MAPK8IP2: variants seen among roughly 807,000 people sequenced by gnomAD.
MAPK8IP2 encodes the protein C-Jun-amino-terminal kinase-interacting protein 2.
MAPK8IP2 carries 15 observed loss-of-function variants against 75.6 expected under a neutral mutation model. The observed-to-expected ratio is 0.20, with a 90% confidence interval of 0.13 to 0.31. The LOEUF is 0.31. Among genes scored for constraint, MAPK8IP2 ranks in the 10% least tolerant of loss-of-function variants. The probability of loss-of-function intolerance (pLI) is 1.00; values close to 1 mark genes in which losing one functional copy is unlikely to be tolerated. For synonymous variants in MAPK8IP2, 632 were observed against 554.5 expected (o/e 1.14, Z -1.96); for missense variants, 1,089 against 1,211.2 (o/e 0.90, Z 1.50).
chr22:50,606,834 AG>A, intron 9 of MAPK8IP2, 69 bp downstream of exon 9: 1 of 1,594,462 alleles, frequency 6.3e-7, no homozygotes, highest in Non-Finnish European at 8.6e-7. Flanking sequence ...CGACGGGGCC[AG>A]GCTGGCAGGG....
intron 1 of MAPK8IP2, 57 bp from the exon 2 acceptor site, chr22:50,601,732 A>G: frequency 7.3e-7 from 1 of 1,376,570 alleles, no homozygotes; most frequent in African/African-American, 1.4e-5. Flanking sequence ...CCTCAGGGCC[A>G]GTTGCCAGGC....
Position 50,603,893 on chromosome 22 carries a change from G to A in MAPK8IP2, c.594G>A (p.Ser198=), listed in dbSNP as rs139026351. The A allele has an allele frequency of 0.037, 56,389 of 1,535,896 alleles. 1,225 individuals are homozygous for A. The highest frequency in any genetic ancestry group is 0.04 in the Non-Finnish European group (45,325 of 1,144,180). ...ATDTGPGGAQ[S]PVRPGCDCEG... is the part of the protein sequence containing the mutation. ...ACACCGGGCCCGGCGGGGCGCAGTC[G>A]CCAGTGCGCCCGGGTTGCGACTGCG... The change falls in exon 5 of 12, where the codon TCG becomes TCA. Residue 198 remains serine (S), a synonymous_variant. Transcript: ENST00000329492.
chr22:50,613,607 A>G lies in MAPK8IP2; in HGVS notation c.*2828A>G, dbSNP rs2071183553. The stretch of plus-strand genomic sequence containing the variant: ...CCTCAGCAGATCCCTCTCTCTGGCC[A>G]GCTCCCTGTTGAACCAGGAAGCAGG... On this transcript the variant is annotated 3_prime_UTR_variant, in exon 12 of 12. Transcript: ENST00000329492. 6.6e-6 allele frequency: 1 copy of G among 152,268 alleles called. No individual in the cohort carries two copies. The highest frequency in any genetic ancestry group is 1.5e-5 in the Non-Finnish European group (1 of 68,104). 9.4% of individuals were successfully genotyped at this position (152,268 alleles called of 1,614,324 possible).
Position 50,610,243 on chromosome 22 carries a change from C to T in MAPK8IP2, c.2335C>T (p.Leu779=), listed in dbSNP as rs1489181982. The stretch of plus-strand genomic sequence containing the variant: ...CGGCTTCATCACCAAACACCCCCTG[C>T]TGAGCCGCTTCGCCTGCCACGTCTT... ...YFGFITKHPL[L]SRFACHVFVS... Residue 779 remains leucine (L), a synonymous_variant, in exon 11 of 12, where the codon CTG becomes TTG. Coordinates refer to ENST00000329492, the MANE Select transcript of MAPK8IP2 (RefSeq NM_012324.6). This position sits in a 1 kb window ranked among gnomAD's most constrained non-coding sequence, Gnocchi z 4.3. The T allele has an allele frequency of 1.9e-6, 3 of 1,602,552 alleles. No homozygotes were observed.
In MAPK8IP2 at chr22:50,604,298, G is replaced by A. The variant is rs765217840; in HGVS notation, c.999G>A (p.Ser333=). The A allele has an allele frequency of 5.6e-5, 87 of 1,556,716 alleles. No homozygotes were observed. The highest frequency in any genetic ancestry group is 6.8e-5 in the Non-Finnish European group (79 of 1,158,938). ...ACGACACCAACAGCGAGTACGAGTC[G>A]GGGTCGGAGTCGGAGCCGGACCTCA... ...GPDDTNSEYE[S]GSESEPDLSE... The change falls in exon 5 of 12, where the codon TCG becomes TCA. Residue 333 remains serine (S), a synonymous_variant. Transcript: ENST00000329492.
chr22:50,607,116 C>A lies in MAPK8IP2; in HGVS notation c.2303+125C>A. The A allele has an allele frequency of 1.4e-6, 1 of 738,090 alleles. No homozygotes were observed. Among genetic ancestry groups the A allele is most frequent in the South Asian group, 1.6e-5 (1 of 64,176 alleles). 45.7% of individuals were successfully genotyped at this position (738,090 alleles called of 1,614,324 possible). Reference sequence around the variant, plus strand: ...CCAGCCCTGAGAGCTCCACCTGCACCCACTTAGCTCTGTGAGCTGAGCCTG... The same window carrying A: ...CCAGCCCTGAGAGCTCCACCTGCACACACTTAGCTCTGTGAGCTGAGCCTG... On this transcript the variant is annotated intron_variant, in intron 10 of 11. Coordinates refer to ENST00000329492, the MANE Select transcript of MAPK8IP2 (RefSeq NM_012324.6). The surrounding 1 kb of genome is among the most constrained non-coding windows in gnomAD (Gnocchi z 5.6).
At position 50,605,400 on chromosome 22, in the gene MAPK8IP2, G is replaced by T. The variant is rs1223634004; in HGVS notation, c.1798G>T (p.Val600Phe). 1 of 1,613,554 alleles carries T rather than the reference G, an allele frequency of 6.2e-7. No individual in the cohort carries two copies. Among genetic ancestry groups the T allele is most frequent in the Admixed American group, 1.7e-5 (1 of 60,010 alleles). Residue 600 changes from valine to phenylalanine, a missense_variant, in exon 6 of 12, where the codon GTC becomes TTC. Val to Phe is a conservative substitution (Grantham distance 50). Around this residue, in one of 2 missense-constraint regions of MAPK8IP2, gnomAD observed 960 missense variants for 1,009.6 expected, o/e 0.95. Transcript: ENST00000329492. Reference protein sequence around the residue: ...TESFGLFSCLVNGEEREQTHR... With the variant: ...TESFGLFSCLFNGEEREQTHR... Reference sequence around the variant, plus strand: ...GTCCTTTGGCCTTTTCTCCTGTCTGGTCAACGGCGAGGAGCGAGAGCAGAC... The same window carrying T: ...GTCCTTTGGCCTTTTCTCCTGTCTGTTCAACGGCGAGGAGCGAGAGCAGAC...
intron 1 of MAPK8IP2, chr22:50,601,552 G>A: frequency 2.0e-6 from 1 of 495,088 alleles, no homozygotes; most frequent in Non-Finnish European, 3.7e-6. Context: ...GGGAGGCGGG[G>A]TGGGAGGGGT....
intron 2 of MAPK8IP2, 172 bp from the exon 3 acceptor site, chr22:50,603,051 C>A: frequency 1.4e-6 from 2 of 1,402,640 alleles, no homozygotes; most frequent in Non-Finnish European, 1.9e-6. Context: ...GGAGTGATCC[C>A]AATGTGTGTT....
Position 50,607,260 on chromosome 22 carries a change from C to T in MAPK8IP2, c.2303+269C>T, listed in dbSNP as rs547654094. On this transcript the variant is annotated intron_variant, in intron 10 of 11. Transcript: ENST00000329492. This position sits in a 1 kb window ranked among gnomAD's most constrained non-coding sequence, Gnocchi z 5.6. ...GAGAAGCCTGTGTGGGTGCAGAGGA[C>T]GCCTGAGTGGGCCTGGGGCTCAGGA... is the stretch of plus-strand genomic sequence containing the variant. 2.6e-5 allele frequency among the ~76,000 whole-genome samples: 4 copies of T among 152,210 alleles called. No homozygotes were observed. Among genetic ancestry groups the T allele is most frequent in the South Asian group, 2.1e-4 (1 of 4,820 alleles).
Position 50,604,508 on chromosome 22 carries a change from C to A in MAPK8IP2, c.1209C>A (p.Pro403=). The change falls in exon 5 of 12, where the codon CCC becomes CCA. Residue 403 remains proline, a synonymous_variant. Coordinates refer to ENST00000329492, the MANE Select transcript of MAPK8IP2 (RefSeq NM_012324.6). ...AGGACCCCGAGGCGGCCGCGGGGCC[C>A]GGCGGCGTGGAGCTGGTGGACATGG... ...DSQDPEAAAG[P]GGVELVDMET... 1 of 1,219,188 alleles carries A rather than the reference C, an allele frequency of 8.2e-7. No homozygotes were observed. Among genetic ancestry groups the A allele is most frequent in the Non-Finnish European group, 1.0e-6 (1 of 981,844 alleles). 75.5% of individuals were successfully genotyped at this position (1,219,188 alleles called of 1,614,324 possible).
Position 50,613,546 on chromosome 22 carries a change from T to G in MAPK8IP2, c.*2767T>G, listed in dbSNP as rs2071182715. On this transcript the variant is annotated 3_prime_UTR_variant, in exon 12 of 12. Transcript: ENST00000329492. Reference sequence around the variant, plus strand: ...GCCTCACTGCACCTGCAAATCCACTTGCACCCACACCCAGGCCAGGGTTTT... The same window carrying G: ...GCCTCACTGCACCTGCAAATCCACTGGCACCCACACCCAGGCCAGGGTTTT... 1.3e-5 allele frequency: 2 copies of G among 152,310 alleles called. No homozygotes were observed. The highest frequency in any genetic ancestry group is 2.9e-5 in the Non-Finnish European group (2 of 68,138). 9.4% of individuals were successfully genotyped at this position (152,310 alleles called of 1,614,324 possible). A position where few individuals can be genotyped will look rare whatever the true frequency, so the allele number is the denominator to read the frequency against.
chr22:50,603,780 C>G lies in MAPK8IP2; in HGVS notation c.541+61C>G, dbSNP rs942315258. 44 of 1,539,330 alleles carry G rather than the reference C, an allele frequency of 2.9e-5. No homozygotes were observed. The African/African-American group carries it at 5.6e-4, about 20-fold the overall frequency. On this transcript the variant is annotated intron_variant, in intron 4 of 11. Transcript: ENST00000329492. ...GGGGGAGGAGGGCAGGGAGGATGGA[C>G]TGGCTGCTGGAAGAGGCCTGGGTGG... is the stretch of plus-strand genomic sequence containing the variant.
chr22:50,607,972 G>C lies in MAPK8IP2; in HGVS notation c.2303+981G>C, dbSNP rs777290556. Among the ~76,000 whole-genome samples the C allele has an allele frequency of 2.6e-4, 39 of 152,198 alleles. No homozygotes were observed. Among genetic ancestry groups the C allele is most frequent in the Non-Finnish European group, 5.4e-4 (37 of 68,030 alleles). ...GTGTCCCAGCACCCTAGAGGAAGGA[G>C]ATCTGGGAGGAACCAGAGAGGCAGA... On this transcript the variant is annotated intron_variant, in intron 10 of 11. Transcript: ENST00000329492. This position sits in a 1 kb window ranked among gnomAD's most constrained non-coding sequence, Gnocchi z 5.6.
Position 50,610,207 on chromosome 22 carries a change from C to T in MAPK8IP2, c.2304-5C>T, listed in dbSNP as rs376072202. ...GACGTGCCCTCCACACTGACTTGCC[C>T]GCAGCTATTTCGGCTTCATCACCAA... On this transcript the variant is annotated splice_polypyrimidine_tract_variant and splice_region_variant and intron_variant, in intron 10 of 11. Transcript: ENST00000329492. This position sits in a 1 kb window ranked among gnomAD's most constrained non-coding sequence, Gnocchi z 4.3. The T allele has an allele frequency of 4.6e-5, 73 of 1,596,968 alleles. No homozygotes were observed. Among genetic ancestry groups the T allele is most frequent in the African/African-American group, 2.1e-4 (16 of 74,632 alleles).
chr22:50,603,701 G>A lies in MAPK8IP2; in HGVS notation c.523G>A (p.Ala175Thr). The A allele has an allele frequency of 8.9e-6, 14 of 1,574,494 alleles. No individual in the cohort carries two copies. The highest frequency in any genetic ancestry group is 1.2e-5 in the Non-Finnish European group (14 of 1,160,236). ...GCAGGAGACAGCGCTATGCTCACCC[G>A]CCCCGGAGGCCCTCAGAGGTGAGGG... ...SWQETALCSP[A>T]PEALRELPGP... The change falls in exon 4 of 12, where the codon GCC (alanine) becomes ACC (threonine). Residue 175 changes from alanine to threonine, a missense_variant. Physicochemically the swap from Ala to Thr is moderately conservative, Grantham distance 58. Transcript: ENST00000329492.
In MAPK8IP2 at chr22:50,604,287, G is replaced by A. The variant is rs866514357; in HGVS notation, c.988G>A (p.Glu330Lys). ...CGTGGGCCCCGACGACACCAACAGC[G>A]AGTACGAGTCGGGGTCGGAGTCGGA... ...LPVGPDDTNS[E>K]YESGSESEPD... Residue 330 changes from glutamate (E) to lysine (K), a missense_variant, in exon 5 of 12, where the codon GAG (glutamate) becomes AAG (lysine). This residue lies in a region of MAPK8IP2 where 960 missense variants were observed against 1,009.6 expected (regional missense o/e 0.95). Coordinates refer to ENST00000329492, the MANE Select transcript of MAPK8IP2 (RefSeq NM_012324.6). 4 of 1,566,560 alleles carry A rather than the reference G, an allele frequency of 2.6e-6. No individual in the cohort carries two copies. Among genetic ancestry groups the A allele is most frequent in the Non-Finnish European group, 3.4e-6 (4 of 1,164,158 alleles).
Position 50,607,018 on chromosome 22 carries a change from C to T in MAPK8IP2, c.2303+27C>T, listed in dbSNP as rs769223358. On this transcript the variant is annotated intron_variant, in intron 10 of 11. Transcript: ENST00000329492. This position sits in a 1 kb window ranked among gnomAD's most constrained non-coding sequence, Gnocchi z 5.6. ...TGAGAGTCTGACCGTCCCCGAGTCC[C>T]CCAACCGCCCCCACAAACCCTGAGA... The T allele has an allele frequency of 6.3e-6, 10 of 1,588,226 alleles. No individual in the cohort carries two copies. The highest frequency in any genetic ancestry group is 7.8e-6 in the Non-Finnish European group (9 of 1,156,822).
chr22:50,602,790 G>A (rs1357522857), intron 2 of MAPK8IP2, among the ~76,000 whole-genome samples: 1 of 152,214 alleles, frequency 6.6e-6, no homozygotes, highest in Non-Finnish European at 1.5e-5. Context: ...CATCCGCTGA[G>A]CCCCAGGTCT....
Sources: allele counts gnomAD v4.1 joint callset (sites outside exome capture counted in the v4.1 genomes callset), GRCh38; gene constraint gnomAD v4.1.1; regional missense constraint gnomAD v4.1.1; non-coding constraint Gnocchi (gnomAD v3.1); transcripts MANE v1.5; gene names NCBI Gene and HGNC (gene_info 2026-07-23, HGNC 2026-07-21).